Variants in CCDC85C observed in about 807,000 individuals in gnomAD.
CCDC85C encodes coiled-coil domain containing 85C.
Under a neutral mutation model 38.3 loss-of-function variants are expected in CCDC85C, and 18 were observed. The observed-to-expected ratio is 0.47, with a 90% CI of 0.33 to 0.70. The LOEUF is 0.70. Ranked by LOEUF, CCDC85C falls within the 30% of genes least tolerant of loss-of-function variation. The probability of loss-of-function intolerance (pLI) is 0.03; values close to 1 mark genes in which losing one functional copy is unlikely to be tolerated. For synonymous variants in CCDC85C, 264 were observed against 293.8 expected, an observed-to-expected ratio of 0.90 and a Z score of 1.04; for missense variants, 566 against 621.2, an observed-to-expected ratio of 0.91 and a Z score of 0.94.
Position 99,510,572 on chromosome 14 carries a change from C to T in CCDC85C, c.*4674G>A. The T allele has an allele frequency of 4.0e-6, 2 of 504,138 alleles. No individual in the cohort carries two copies. The highest frequency in any genetic ancestry group is 3.5e-5 in the Admixed American group (1 of 28,972). The allele number at this position is 504,138 out of a possible 1,614,324, so 31.2% of individuals were successfully genotyped here. A position where few individuals can be genotyped will look rare whatever the true frequency, so the allele number is the denominator to read the frequency against. On this transcript the variant is annotated 3_prime_UTR_variant, in exon 6 of 6. Coordinates refer to ENST00000380243, the MANE Select transcript of CCDC85C (RefSeq NM_001144995.2). ...CTCCTGGCTACCCCCCACCCCCACCCACCTACAACCCCAACTTCCCACCCC... is the reference window on the plus strand; with the variant it reads ...CTCCTGGCTACCCCCCACCCCCACCTACCTACAACCCCAACTTCCCACCCC...
intron 1 of CCDC85C, among the ~76,000 whole-genome samples, chr14:99,601,321 A>AC (rs1056528861): frequency 1.3e-5 from 2 of 151,860 alleles, no homozygotes; most frequent in African/African-American, 2.4e-5. Context: ...CCTCCCACTG[A>AC]CCCCCAGTGG....
intron 1 of CCDC85C, among the ~76,000 whole-genome samples, chr14:99,587,871 C>G (rs1004103869): frequency 6.6e-6 from 1 of 152,210 alleles, no homozygotes; most frequent in Non-Finnish European, 1.5e-5. Flanking sequence ...CTGGAGCCCC[C>G]ACATCACAGC....
At chr14:99,586,206 C>G (rs2055024125) in intron 1 of CCDC85C, among the ~76,000 whole-genome samples, 1 of 152,228 alleles carries the variant, frequency 6.6e-6, no homozygotes, top group African/African-American at 2.4e-5. Context: ...CCCCGCCCCT[C>G]CCTACACCCA....
At chr14:99,523,638 T>C (rs2139902489) in intron 2 of CCDC85C, among the ~76,000 whole-genome samples, 1 of 152,272 alleles carries the variant, frequency 6.6e-6, no homozygotes, top group African/African-American at 2.4e-5. Flanking sequence ...GGGAGCTGCT[T>C]CCTGGGCCTC....
In CCDC85C at chr14:99,516,351, G is replaced by A. The variant is rs1897225162; in HGVS notation, c.1072-65C>T. 4.2e-6 allele frequency: 5 copies of A among 1,198,210 alleles called. No homozygotes were observed. The highest frequency in any genetic ancestry group is 2.0e-5 in the Admixed American group (1 of 50,228). The allele number at this position is 1,198,210 out of a possible 1,614,324, so 74.2% of individuals were successfully genotyped here. A position where few individuals can be genotyped will look rare whatever the true frequency, so the allele number is the denominator to read the frequency against. On this transcript the variant is annotated intron_variant, in intron 4 of 5. Coordinates refer to ENST00000380243, the MANE Select transcript of CCDC85C (RefSeq NM_001144995.2). The surrounding 1 kb of genome is among the most constrained non-coding windows in gnomAD (Gnocchi z 5.5). Reference sequence around the variant, plus strand: ...CGGCAGACCTCGGGCAAGTCACCTGGCCCCTGATCCTCAGCCTCCCCTGCT... The same window carrying A: ...CGGCAGACCTCGGGCAAGTCACCTGACCCCTGATCCTCAGCCTCCCCTGCT...
At position 99,572,533 on chromosome 14, in the gene CCDC85C, C is replaced by A. The variant is rs1898373704; in HGVS notation, c.793+30634G>T. Among the ~76,000 whole-genome samples the A allele has an allele frequency of 6.6e-6, 1 of 152,198 alleles. No individual in the cohort carries two copies. Among genetic ancestry groups the A allele is most frequent in the African/African-American group, 2.4e-5 (1 of 41,446 alleles). ...CCCAACCCCAATAGCTCCTCCTACC[C>A]TGCCCCCTTCGGTCACCAGAGTCCA... is the stretch of plus-strand genomic sequence containing the variant. On this transcript the variant is annotated intron_variant, in intron 1 of 5. Coordinates refer to ENST00000380243, the MANE Select transcript of CCDC85C (RefSeq NM_001144995.2). The surrounding 1 kb of genome is among the most constrained non-coding windows in gnomAD (Gnocchi z 4.4).
Position 99,515,031 on chromosome 14 carries a change from T to C in CCDC85C, c.*215A>G. 1 of 518,774 alleles carries C rather than the reference T, an allele frequency of 1.9e-6. No homozygotes were observed. The allele number at this position is 518,774 out of a possible 1,614,324, so 32.1% of individuals were successfully genotyped here. A position where few individuals can be genotyped will look rare whatever the true frequency, so the allele number is the denominator to read the frequency against. On this transcript the variant is annotated 3_prime_UTR_variant, in exon 6 of 6. Coordinates refer to ENST00000380243, the MANE Select transcript of CCDC85C (RefSeq NM_001144995.2). Reference sequence around the variant, plus strand: ...CTGCAGGAACAGTCGCAGCGTCTCGTCTTCCCAGGTTGCTGGTGTATGAGG... The same window carrying C: ...CTGCAGGAACAGTCGCAGCGTCTCGCCTTCCCAGGTTGCTGGTGTATGAGG...
intron 1 of CCDC85C, among the ~76,000 whole-genome samples, chr14:99,557,855 C>T (rs903738528): frequency 6.6e-6 from 1 of 152,170 alleles, no homozygotes; most frequent in African/African-American, 2.4e-5. Context: ...GCAGAGGTTG[C>T]AGTGATCCAA....
rs1209019039 is a variant in CCDC85C at position 99,501,090 on chromosome 14, G to T, written c.*14156C>A. ...ATCCAGTTGCCAAGTGATGGGAGAGGCAGGAAAATGAGGCAGAATTTTTTA... is the reference window on the plus strand; with the variant it reads ...ATCCAGTTGCCAAGTGATGGGAGAGTCAGGAAAATGAGGCAGAATTTTTTA... On this transcript the variant is annotated 3_prime_UTR_variant, in exon 6 of 6. Coordinates refer to ENST00000380243, the MANE Select transcript of CCDC85C (RefSeq NM_001144995.2). 4 of 599,662 alleles carry T rather than the reference G, an allele frequency of 6.7e-6. No homozygotes were observed. In the African/African-American group the frequency reaches 7.5e-5, roughly 11 times the overall value. 37.1% of individuals were successfully genotyped at this position (599,662 alleles called of 1,614,324 possible).
rs1225034576 is a variant in CCDC85C at position 99,516,271 on chromosome 14, C to T, written c.1087G>A (p.Glu363Lys). ...VHAMKVLEVH[E>K]NLDRQLQDSC... ...TCCTGGAGCTGCCGGTCCAGATTCT[C>T]GTGTACCTCCAGGACCTGAAGGGAA... Residue 363 changes from glutamate (E) to lysine (K), a missense_variant, in exon 5 of 6, where the codon GAG becomes AAG. By Grantham distance (56) the Glu-to-Lys change is moderately conservative. Around this residue, in one of 3 missense-constraint regions of CCDC85C, gnomAD observed 286 missense variants for 276.4 expected, o/e 1.03. Transcript: ENST00000380243. This position sits in a 1 kb window ranked among gnomAD's most constrained non-coding sequence, Gnocchi z 5.5. The T allele has an allele frequency of 1.2e-5, 18 of 1,551,032 alleles. No homozygotes were observed. The highest frequency in any genetic ancestry group is 2.4e-5 in the South Asian group (2 of 84,044).
intron 1 of CCDC85C, among the ~76,000 whole-genome samples, chr14:99,537,355 G>A (rs758162508): frequency 1.3e-5 from 2 of 152,082 alleles, no homozygotes; most frequent in African/African-American, 4.8e-5. Context: ...AACATGCCTG[G>A]GGGGACAGGG....
rs548123667 is a variant in CCDC85C at position 99,572,699 on chromosome 14, T to C, written c.793+30468A>G. 2.2e-6 allele frequency: 1 copy of C among 456,070 alleles called. No homozygotes were observed. The highest frequency in any genetic ancestry group is 3.3e-4 in the Middle Eastern group (1 of 3,068). The allele number at this position is 456,070 out of a possible 1,614,324, so 28.3% of individuals were successfully genotyped here. On this transcript the variant is annotated intron_variant, in intron 1 of 5. Coordinates refer to ENST00000380243, the MANE Select transcript of CCDC85C (RefSeq NM_001144995.2). The surrounding 1 kb of genome is among the most constrained non-coding windows in gnomAD (Gnocchi z 4.4). The stretch of plus-strand genomic sequence containing the variant: ...AGGCCTCCCCTGCCACCATCTGTTT[T>C]CTGCTCTTCCTAGCACTCACCAGGA...
chr14:99,567,108 C>T (rs1042754697), intron 1 of CCDC85C, among the ~76,000 whole-genome samples: 1 of 150,064 alleles, frequency 6.7e-6, no homozygotes, highest in African/African-American at 2.5e-5. Context: ...TGGGCCTCAG[C>T]CTTGCTTCCT....
intron 1 of CCDC85C, among the ~76,000 whole-genome samples, chr14:99,571,796 A>G (rs1051015486): frequency 6.6e-6 from 1 of 152,208 alleles, no homozygotes; most frequent in Non-Finnish European, 1.5e-5. Context: ...GCCCAGTTCA[A>G]TGCCCCCTGT....
chr14:99,519,888 T>C (rs1383852340), intron 3 of CCDC85C, among the ~76,000 whole-genome samples: 1 of 152,134 alleles, frequency 6.6e-6, no homozygotes, highest in South Asian at 2.1e-4. Flanking sequence ...AGTCGGTGGT[T>C]GCTGGTGGCT....
At chr14:99,591,320 G>A (rs929154172) in intron 1 of CCDC85C, among the ~76,000 whole-genome samples, 2 of 152,228 alleles carry the variant, frequency 1.3e-5, no homozygotes, top group South Asian at 2.1e-4. Context: ...GCCAAGACAC[G>A]TGGACCCCCA....
At chr14:99,590,113 G>A (rs918744830) in intron 1 of CCDC85C, among the ~76,000 whole-genome samples, 1 of 152,226 alleles carries the variant, frequency 6.6e-6, no homozygotes, top group African/African-American at 2.4e-5. Context: ...TTAACTCGGT[G>A]GAGAGGGATT....
rs1046496913 is a variant in CCDC85C at position 99,572,205 on chromosome 14, G to A, written c.793+30962C>T. Among the ~76,000 whole-genome samples the A allele has an allele frequency of 5.3e-5, 8 of 152,286 alleles. 1 individual carries two copies. In the Middle Eastern group the frequency reaches 0.014, roughly 259 times the overall value. ...AAGACCTCCAGGGTGGGCTTCAGTG[G>A]CCCTGGCCCCAGCAGCGTTAGTGAA... On this transcript the variant is annotated intron_variant, in intron 1 of 5. Coordinates refer to ENST00000380243, the MANE Select transcript of CCDC85C (RefSeq NM_001144995.2). This position sits in a 1 kb window ranked among gnomAD's most constrained non-coding sequence, Gnocchi z 4.4.
Position 99,513,216 on chromosome 14 carries a change from C to G in CCDC85C, c.*2030G>C, listed in dbSNP as rs1473072470. The G allele has an allele frequency of 6.6e-6, 1 of 152,194 alleles. No homozygotes were observed. The highest frequency in any genetic ancestry group is 1.5e-5 in the Non-Finnish European group (1 of 68,052). The allele number at this position is 152,194 out of a possible 1,614,324, so 9.4% of individuals were successfully genotyped here. On this transcript the variant is annotated 3_prime_UTR_variant, in exon 6 of 6. Coordinates refer to ENST00000380243, the MANE Select transcript of CCDC85C (RefSeq NM_001144995.2). Reference sequence around the variant, plus strand: ...TTATTTCAGTGGTGGCCACGCCAACCTGACCCAAACATGATGCACACGGGC... The same window carrying G: ...TTATTTCAGTGGTGGCCACGCCAACGTGACCCAAACATGATGCACACGGGC...
Sources: allele counts gnomAD v4.1 joint callset (sites outside exome capture counted in the v4.1 genomes callset), GRCh38; gene constraint gnomAD v4.1.1; regional missense constraint gnomAD v4.1.1; non-coding constraint Gnocchi (gnomAD v3.1); transcripts MANE v1.5; gene names NCBI Gene and HGNC (gene_info 2026-07-23, HGNC 2026-07-21).